SLC25A33: variants seen among roughly 807,000 people sequenced by gnomAD.
SLC25A33 encodes the protein bone marrow stromal cell mitochondrial carrier protein.
A neutral mutation model predicts 35.5 loss-of-function variants in SLC25A33; 15 were observed. The ratio of observed to expected loss-of-function variants is 0.42; its 90% CI spans 0.28 to 0.65. The LOEUF is 0.65. Among genes scored for constraint, SLC25A33 ranks in the 30% least tolerant of loss-of-function variants. SLC25A33 has a pLI of 0.20. For synonymous variants in SLC25A33, 136 were observed against 148.7 expected, an observed-to-expected ratio of 0.91 and a Z score of 0.62; for missense variants, 257 against 398.5, an observed-to-expected ratio of 0.64 and a Z score of 3.02.
intron 2 of SLC25A33, among the ~76,000 whole-genome samples, chr1:9,557,702 T>A (rs1334661293): frequency 6.6e-6 from 1 of 152,224 alleles, no homozygotes; most frequent in African/African-American, 2.4e-5. Flanking sequence ...AAGCTACTTA[T>A]CATTGTAAAA....
In SLC25A33 at chr1:9,579,984, C is replaced by A; in HGVS notation, c.513C>A (p.Leu171=). 6.2e-7 allele frequency: 1 copy of A among 1,613,478 alleles called. No homozygotes were observed. The highest frequency in any genetic ancestry group is 8.5e-7 in the Non-Finnish European group (1 of 1,179,718). ...GGGGCTCTAAGCAGATGAATACACT[C>A]CAGTGTGCTCGTTACGTTTACCAGA... The part of the protein sequence containing the change: ...KVRGSKQMNT[L]QCARYVYQTE... The change falls in exon 6 of 7, where the codon CTC becomes CTA. Residue 171 remains leucine, a synonymous_variant. Coordinates refer to ENST00000302692, the MANE Select transcript of SLC25A33 (RefSeq NM_032315.3).
intron 1 of SLC25A33, among the ~76,000 whole-genome samples, chr1:9,541,325 A>G (rs1207249986): frequency 6.6e-6 from 1 of 151,872 alleles, no homozygotes; most frequent in Non-Finnish European, 1.5e-5. Flanking sequence ...AGCTTTTTGT[A>G]TTTTTAGTAG....
intron 6 of SLC25A33, 27 bp downstream of exon 6, chr1:9,580,261 G>A: frequency 6.2e-7 from 1 of 1,603,224 alleles, no homozygotes; most frequent in Non-Finnish European, 8.5e-7. Context: ...TTCTTCCAGA[G>A]CAGTAAAACA....
chr1:9,565,836 C>T (rs1277164581), intron 2 of SLC25A33, among the ~76,000 whole-genome samples: 1 of 151,140 alleles, frequency 6.6e-6, no homozygotes, highest in African/African-American at 2.4e-5. Context: ...CAAGATTGCA[C>T]CACTGCATTC....
At chr1:9,581,557 C>T (rs993439540) in intron 6 of SLC25A33, among the ~76,000 whole-genome samples, 9 of 151,900 alleles carry the variant, frequency 5.9e-5, no homozygotes, top group African/African-American at 1.5e-4. Flanking sequence ...GGCGAAACCC[C>T]GTCTCTACTA....
At chr1:9,550,231 T>TAAA (rs537669811) in intron 1 of SLC25A33, among the ~76,000 whole-genome samples, 1 of 133,586 alleles carries the variant, frequency 7.5e-6, no homozygotes, top group Admixed American at 7.7e-5. Flanking sequence ...CTTCTCTCTT[T>TAAA]AAAAAAAAAA....
intron 4 of SLC25A33, among the ~76,000 whole-genome samples, chr1:9,572,006 T>G (rs1377232269): frequency 6.6e-6 from 1 of 152,232 alleles, no homozygotes; most frequent in East Asian, 1.9e-4. Flanking sequence ...TACCAGTCTG[T>G]AAGATGTACA....
intron 6 of SLC25A33, among the ~76,000 whole-genome samples, chr1:9,580,861 AAAAAAAT>A (rs1430033550): frequency 5.6e-5 from 7 of 125,304 alleles, no homozygotes; most frequent in African/African-American, 2.5e-4. Context: ...TCTCAAAAAA[AAAAAAAT>A]AATAATAATA....
At chr1:9,542,659 G>A (rs376220432) in intron 1 of SLC25A33, among the ~76,000 whole-genome samples, 2 of 152,076 alleles carry the variant, frequency 1.3e-5, no homozygotes, top group East Asian at 1.9e-4. Context: ...TCCAGAAAAC[G>A]AAGTGCACTT....
In SLC25A33 at chr1:9,580,208, G is replaced by C; in HGVS notation, c.737G>C (p.Cys246Ser). Residue 246 changes from cysteine to serine, a missense_variant, in exon 6 of 7, where the codon TGT (cysteine) becomes TCT (serine). Coordinates refer to ENST00000302692, the MANE Select transcript of SLC25A33 (RefSeq NM_032315.3). ...LMAAAALSKG[C>S]ASCIAYPHEV... ...GCAGCTGCTGCTCTTTCTAAGGGCTGTGCCTCCTGCATTGCTTATCCACAC... is the reference window on the plus strand; with the variant it reads ...GCAGCTGCTGCTCTTTCTAAGGGCTCTGCCTCCTGCATTGCTTATCCACAC... The C allele has an allele frequency of 6.2e-7, 1 of 1,610,600 alleles. No individual in the cohort carries two copies. Among genetic ancestry groups the C allele is most frequent in the Non-Finnish European group, 8.5e-7 (1 of 1,178,862 alleles).
At chr1:9,566,081 T>C (rs1399795304) in intron 2 of SLC25A33, among the ~76,000 whole-genome samples, 2 of 151,996 alleles carry the variant, frequency 1.3e-5, no homozygotes, top group Non-Finnish European at 2.9e-5. Flanking sequence ...TTTCTGTCGC[T>C]AAAGCTGGAG....
In SLC25A33 at chr1:9,553,973, C is replaced by G. The variant is rs754882873; in HGVS notation, c.236+168C>G. Among the ~76,000 whole-genome samples, 9 of 152,190 alleles carry G rather than the reference C, an allele frequency of 5.9e-5. No homozygotes were observed. The East Asian group carries it at 9.6e-4, about 16-fold the overall frequency. ...ACCTTTGAGCTCTGACCTTGCTCCC[C>G]TGGCAGCGGGGGGTCCCAGTGTACA... On this transcript the variant is annotated intron_variant, in intron 2 of 6. Coordinates refer to ENST00000302692, the MANE Select transcript of SLC25A33 (RefSeq NM_032315.3).
At chr1:9,572,431 G>A (rs1643603881) in intron 4 of SLC25A33, among the ~76,000 whole-genome samples, 2 of 150,730 alleles carry the variant, frequency 1.3e-5, no homozygotes, top group South Asian at 4.2e-4. Flanking sequence ...CTAACACGGT[G>A]AAACCCTGTC....
chr1:9,543,426 G>A (rs1023912896), intron 1 of SLC25A33, among the ~76,000 whole-genome samples: 3 of 152,214 alleles, frequency 2.0e-5, no homozygotes, highest in Non-Finnish European at 2.9e-5. Context: ...TTACAGGTGT[G>A]AGCCACTGGG....
intron 1 of SLC25A33, among the ~76,000 whole-genome samples, chr1:9,547,968 C>T (rs1426661150): frequency 6.6e-6 from 1 of 152,138 alleles, no homozygotes; most frequent in Non-Finnish European, 1.5e-5. Context: ...CCTCCCACCT[C>T]AGCCTCCGGG....
chr1:9,578,435 G>A lies in SLC25A33; in HGVS notation c.483-1519G>A, dbSNP rs763925102. On this transcript the variant is annotated intron_variant, in intron 5 of 6. Coordinates refer to ENST00000302692, the MANE Select transcript of SLC25A33 (RefSeq NM_032315.3). This position sits in a 1 kb window ranked among gnomAD's most constrained non-coding sequence, Gnocchi z 4.3. ...TACACTCATCTGGTGGCTCACTCTT[G>A]CCTTGCAGCCAGGCAGTTCATAAAT... Among the ~76,000 whole-genome samples, 24 of 152,184 alleles carry A rather than the reference G, an allele frequency of 1.6e-4. No homozygotes were observed. Among genetic ancestry groups the A allele is most frequent in the Non-Finnish European group, 2.5e-4 (17 of 68,040 alleles).
At chr1:9,567,419 T>G in intron 3 of SLC25A33, 58 bp downstream of exon 3, 1 of 1,500,452 alleles carries the variant, frequency 6.7e-7, no homozygotes. Flanking sequence ...CTGGGTCCTT[T>G]CTTACCAAAG....
rs1381140450 is a variant in SLC25A33 at position 9,551,586 on chromosome 1, C to CT, written c.57-2039dup. Among the ~76,000 whole-genome samples the CT allele has an allele frequency of 9.9e-5, 15 of 152,210 alleles. No individual in the cohort carries two copies. The South Asian group carries it at 1.0e-3, about 11-fold the overall frequency. Reference sequence around the variant, plus strand: ...TTTCCCAGGCGGAGATGCTGGTGCTCTATCATTTTTATTGACCCACCTATT... The same window carrying CT: ...TTTCCCAGGCGGAGATGCTGGTGCTCTTATCATTTTTATTGACCCACCTATT... On this transcript the variant is annotated intron_variant, in intron 1 of 6. Transcript: ENST00000302692.
intron 1 of SLC25A33, 39 bp downstream of exon 1, chr1:9,539,786 GC>G: frequency 7.5e-7 from 1 of 1,333,326 alleles, no homozygotes; most frequent in South Asian, 1.9e-5. Flanking sequence ...CCCACCGCCT[GC>G]GGTCCCCTCG....
Sources: gnomAD v4.1 joint callset for allele counts (sites outside exome capture counted in the v4.1 genomes callset) on GRCh38, gnomAD v4.1.1 for gene constraint, Gnocchi (gnomAD v3.1) non-coding constraint, MANE v1.5 for transcripts, NCBI Gene and HGNC (gene_info 2026-07-23, HGNC 2026-07-21) for gene names.